SLC38A4: variants seen among roughly 807,000 people sequenced by gnomAD.
SLC38A4 encodes solute carrier family 38 member 4, also known as sodium-coupled neutral amino acid transporter 4.
Under a neutral mutation model 63.1 loss-of-function variants are expected in SLC38A4, and 20 were observed. The ratio of observed to expected loss-of-function variants is 0.32; its 90% CI spans 0.22 to 0.46. The LOEUF is 0.46. Ranked by LOEUF, SLC38A4 falls within the 20% of genes least tolerant of loss-of-function variation. SLC38A4 has a pLI of 1.00. For missense variants in SLC38A4, 526 were observed against 663.6 expected (o/e 0.79, Z 2.28); for synonymous variants, 230 against 225.5 (o/e 1.02, Z -0.18).
upstream of SLC38A4, among the ~76,000 whole-genome samples, chr12:46,828,584 A>G (rs568242625): frequency 6.6e-6 from 1 of 152,312 alleles, no homozygotes; most frequent in Non-Finnish European, 1.5e-5. Flanking sequence ...CAGCCTCCCA[A>G]AGAGCTGGGA....
intron 1 of SLC38A4, among the ~76,000 whole-genome samples, chr12:46,809,772 G>C (rs1474534411): frequency 2.0e-5 from 3 of 152,042 alleles, no homozygotes; most frequent in African/African-American, 7.2e-5. Flanking sequence ...CATTTGGTGG[G>C]ACAGCAGCAG....
intron 3 of SLC38A4, among the ~76,000 whole-genome samples, chr12:46,789,375 T>A (rs1938832812): frequency 6.6e-6 from 1 of 152,196 alleles, no homozygotes; most frequent in Non-Finnish European, 1.5e-5. Flanking sequence ...AAGGAAATTA[T>A]TAAAGCAATT....
chr12:46,785,867 A>ATAAGAATG (rs1331789645), intron 5 of SLC38A4, among the ~76,000 whole-genome samples: 1 of 151,498 alleles, frequency 6.6e-6, no homozygotes, highest in Non-Finnish European at 1.5e-5. Flanking sequence ...GAGCACAAAA[A>ATAAGAATG]TAAGAATGTT....
intron 1 of SLC38A4, among the ~76,000 whole-genome samples, chr12:46,805,057 C>T (rs2120871499): frequency 6.6e-6 from 1 of 151,942 alleles, no homozygotes; most frequent in East Asian, 1.9e-4. Flanking sequence ...GTCAATCAAA[C>T]AAGAATGAAT....
chr12:46,776,519 C>T lies in SLC38A4; in HGVS notation c.1174+385G>A, dbSNP rs960245417. Among the ~76,000 whole-genome samples, 3 of 151,994 alleles carry T rather than the reference C, an allele frequency of 2.0e-5. No homozygotes were observed. In the East Asian group the frequency reaches 5.8e-4, roughly 29 times the overall value. ...TCAAACTTGAGGACCTGGCAGTTTCCCTGCTATTTGTGTGGCAGGTAATAA... is the reference window on the plus strand; with the variant it reads ...TCAAACTTGAGGACCTGGCAGTTTCTCTGCTATTTGTGTGGCAGGTAATAA... On this transcript the variant is annotated intron_variant, in intron 13 of 16. Coordinates refer to ENST00000266579, the MANE Select transcript of SLC38A4 (RefSeq NM_018018.5).
chr12:46,829,657 T>C (rs936061087), upstream of SLC38A4, among the ~76,000 whole-genome samples: 2 of 152,156 alleles, frequency 1.3e-5, no homozygotes, highest in Non-Finnish European at 2.9e-5. Flanking sequence ...AAAAGTCCAG[T>C]CCTAAGACTG....
intron 2 of SLC38A4, among the ~76,000 whole-genome samples, chr12:46,799,356 C>T (rs540360769): frequency 6.6e-6 from 1 of 152,160 alleles, no homozygotes; most frequent in East Asian, 1.9e-4. Context: ...AATCCCAGAG[C>T]TTTGGGAGGC....
chr12:46,804,205 T>C (rs561435508), intron 1 of SLC38A4, among the ~76,000 whole-genome samples: 2 of 152,068 alleles, frequency 1.3e-5, no homozygotes, highest in South Asian at 4.2e-4. Context: ...CAAGATGCCA[T>C]GAAGTTGGAA....
chr12:46,808,605 T>C (rs1939281941), intron 1 of SLC38A4, among the ~76,000 whole-genome samples: 1 of 152,000 alleles, frequency 6.6e-6, no homozygotes, highest in African/African-American at 2.4e-5. Context: ...ATCCTTCTGG[T>C]CCACTTCATT....
Position 46,776,893 on chromosome 12 carries a change from GAGTGACCTACCATAGAAGGTT to G in SLC38A4, c.1164_1174+10del. 1 of 1,607,634 alleles carries G rather than the reference GAGTGACCTACCATAGAAGGTT, an allele frequency of 6.2e-7. No homozygotes were observed. Among genetic ancestry groups the G allele is most frequent in the South Asian group, 1.1e-5 (1 of 90,936 alleles). ...ATTTGCATATAGAGAATGACTTTCA[GAGTGACCTACCATAGAAGGTT>G]AGGTAACCAAAGAGGGCGGCAAGCA... On this transcript the variant is annotated splice_donor_variant and splice_donor_5th_base_variant and coding_sequence_variant and intron_variant, in exon 13 of 17. Coordinates refer to ENST00000266579, the MANE Select transcript of SLC38A4 (RefSeq NM_018018.5). LOFTEE classifies it high-confidence loss of function.
chr12:46,800,008 G>T (rs1273194683), intron 2 of SLC38A4, among the ~76,000 whole-genome samples: 2 of 152,088 alleles, frequency 1.3e-5, no homozygotes, highest in African/African-American at 4.8e-5. Context: ...AAGAATTATT[G>T]CATGGGTAGG....
At chr12:46,822,371 G>T (rs555445971) in intron 1 of SLC38A4, among the ~76,000 whole-genome samples, 1 of 152,234 alleles carries the variant, frequency 6.6e-6, no homozygotes, top group Non-Finnish European at 1.5e-5. Flanking sequence ...CAGTGGGTGG[G>T]TAACTGGAGA....
At chr12:46,780,056 A>G in intron 7 of SLC38A4, 26 bp from the exon 8 acceptor site, 1 of 1,559,538 alleles carries the variant, frequency 6.4e-7, no homozygotes, top group Non-Finnish European at 8.8e-7. Flanking sequence ...TGACAGCTTA[A>G]TGGTGTGGAC....
chr12:46,768,645 C>T (rs748640756), intron 15 of SLC38A4, among the ~76,000 whole-genome samples: 11 of 151,902 alleles, frequency 7.2e-5, no homozygotes, highest in Admixed American at 2.0e-4. Flanking sequence ...ATATAATAAG[C>T]AACAAAAGGC....
chr12:46,787,822 C>G (rs931721388), intron 5 of SLC38A4, 94 bp downstream of exon 5: 1 of 883,480 alleles, frequency 1.1e-6, no homozygotes, highest in East Asian at 2.6e-5. Flanking sequence ...TGAGTCTTCA[C>G]GTTCACAAAG....
chr12:46,825,606 A>G (rs1188912679), intron 1 of SLC38A4, among the ~76,000 whole-genome samples: 1 of 152,172 alleles, frequency 6.6e-6, no homozygotes, highest in Non-Finnish European at 1.5e-5. Flanking sequence ...TCCCTTTAAC[A>G]ATAGAGGTCA....
chr12:46,779,754 T>A, intron 9 of SLC38A4, 26 bp downstream of exon 9: 2 of 1,588,974 alleles, frequency 1.3e-6, no homozygotes, highest in Admixed American at 3.6e-5. Flanking sequence ...AAAATAAAAA[T>A]ATTTCCAGTT....
At chr12:46,790,636 T>C (rs1387814215) in intron 3 of SLC38A4, among the ~76,000 whole-genome samples, 2 of 152,174 alleles carry the variant, frequency 1.3e-5, no homozygotes, top group East Asian at 3.9e-4. Context: ...TCCATAGTAG[T>C]TTTTAAAATT....
intron 2 of SLC38A4, among the ~76,000 whole-genome samples, chr12:46,795,401 C>T (rs1280975053): frequency 6.6e-6 from 1 of 151,946 alleles, no homozygotes; most frequent in Admixed American, 6.6e-5. Context: ...ATAGTATGCC[C>T]TAAAGACAAA....
Sources: gnomAD v4.1 joint callset for allele counts (sites outside exome capture counted in the v4.1 genomes callset) on GRCh38, gnomAD v4.1.1 for gene constraint, MANE v1.5 for transcripts, NCBI Gene and HGNC (gene_info 2026-07-23, HGNC 2026-07-21) for gene names.